Variants in RGS6 observed in about 807,000 individuals in gnomAD.
RGS6 encodes regulator of G-protein signaling 6.
A neutral mutation model predicts 78.5 loss-of-function variants in RGS6; 30 were observed. The observed-to-expected ratio is 0.38, with a 90% confidence interval of 0.29 to 0.52. The LOEUF (loss-of-function observed/expected upper bound fraction) is 0.52. Ranked by LOEUF, RGS6 falls within the 20% of genes least tolerant of loss-of-function variation. The pLI, the probability that RGS6 is intolerant of heterozygous loss-of-function variation, is 0.85. For missense variants in RGS6, 495 were observed against 609.7 expected (o/e 0.81, Z 1.98); for synonymous variants, 206 against 206.0 (o/e 1.00, Z 0.00).
chr14:72,307,677 G>A (rs976976582), intron 2 of RGS6, among the ~76,000 whole-genome samples: 3 of 152,044 alleles, frequency 2.0e-5, no homozygotes, highest in African/African-American at 4.8e-5. Flanking sequence ...TGATTATTAT[G>A]TATATTTGTC....
intron 2 of RGS6, among the ~76,000 whole-genome samples, chr14:72,134,599 A>G (rs563797499): frequency 6.6e-6 from 1 of 152,356 alleles, no homozygotes; most frequent in African/African-American, 2.4e-5. Flanking sequence ...GGAGAGAGAA[A>G]GAGAGATAGA....
chr14:72,396,848 T>G (rs968793079), intron 3 of RGS6, among the ~76,000 whole-genome samples: 1 of 152,230 alleles, frequency 6.6e-6, no homozygotes, highest in Non-Finnish European at 1.5e-5. Flanking sequence ...AAAGATCAGA[T>G]AGTTGTAGAT....
chr14:72,336,534 A>AGAGC (rs1400111040), intron 2 of RGS6, among the ~76,000 whole-genome samples: 238 of 141,794 alleles, frequency 1.7e-3, no homozygotes, highest in African/African-American at 5.9e-3. Context: ...AGAGAGAGAG[A>AGAGC]GCGCGCATAG....
chr14:72,154,289 A>T lies in RGS6; in HGVS notation c.84+189414A>T, dbSNP rs151065331. 8.2e-4 allele frequency among the ~76,000 whole-genome samples: 125 copies of T among 152,178 alleles called. 3 individuals are homozygous for T. The East Asian group carries it at 0.023, about 28-fold the overall frequency. ...TACACTGATTTCATATTGTTCAAAC[A>T]CACGTTTTACAATCAATTTGTGCAG... On this transcript the variant is annotated intron_variant, in intron 2 of 17. Coordinates refer to ENST00000553525, the MANE Select transcript of RGS6 (RefSeq NM_001204424.2).
intron 3 of RGS6, among the ~76,000 whole-genome samples, chr14:72,441,277 C>T (rs556477562): frequency 9.5e-4 from 144 of 152,304 alleles, no homozygotes; most frequent in African/African-American, 3.4e-3. Context: ...GTGTCCCTTC[C>T]TCTCCCTGCA....
intron 2 of RGS6, among the ~76,000 whole-genome samples, chr14:72,290,060 G>C (rs1396618391): frequency 6.6e-6 from 1 of 152,146 alleles, no homozygotes; most frequent in Non-Finnish European, 1.5e-5. Flanking sequence ...AGAATGAAAA[G>C]TTCATTTTGG....
intron 2 of RGS6, among the ~76,000 whole-genome samples, chr14:72,097,440 G>A (rs555342503): frequency 6.6e-6 from 1 of 152,262 alleles, no homozygotes; most frequent in African/African-American, 2.4e-5. Context: ...TTTGGTCTTT[G>A]GTGGGTTTTT....
intron 2 of RGS6, among the ~76,000 whole-genome samples, chr14:72,120,288 A>G (rs543305491): frequency 1.4e-4 from 22 of 152,340 alleles, no homozygotes; most frequent in Non-Finnish European, 2.5e-4. Context: ...GCACAGTGGA[A>G]ACCTTCTTTC....
chr14:72,297,497 A>T (rs986703397), intron 2 of RGS6, among the ~76,000 whole-genome samples: 1 of 150,940 alleles, frequency 6.6e-6, no homozygotes, highest in Admixed American at 6.6e-5. Flanking sequence ...ATATGTATAC[A>T]TGTGCCATGC....
intron 11 of RGS6, among the ~76,000 whole-genome samples, chr14:72,477,756 C>T (rs1315740425): frequency 2.7e-5 from 4 of 149,448 alleles, no homozygotes; most frequent in East Asian, 2.0e-4. Flanking sequence ...GAGATCATGC[C>T]GCTGCACTCC....
intron 2 of RGS6, among the ~76,000 whole-genome samples, chr14:72,201,509 T>A (rs1376416562): frequency 1.3e-5 from 2 of 152,242 alleles, no homozygotes; most frequent in African/African-American, 4.8e-5. Flanking sequence ...CAGCAGTGAT[T>A]ATCTAAAGCC....
the RGS6 span, among the ~76,000 whole-genome samples, chr14:72,623,153 C>G: frequency 3.4e-4 from 52 of 152,206 alleles, no homozygotes; most frequent in Admixed American, 3.4e-3. Context: ...AAAGACAAAT[C>G]ATATTTTTTA....
chr14:72,288,734 C>T (rs2063044656), intron 2 of RGS6, among the ~76,000 whole-genome samples: 1 of 152,178 alleles, frequency 6.6e-6, no homozygotes, highest in South Asian at 2.1e-4. Context: ...TTAGAAGGCT[C>T]AGAGGTCTAA....
At position 72,537,632 on chromosome 14, in the gene RGS6, A is replaced by G. The variant is rs574728899; in HGVS notation, c.1368+1357A>G. ...GCCGACACCCTCATACATGGCTCTA[A>G]TGCCCATTTTTTCTAAGAACTAGAG... On this transcript the variant is annotated intron_variant, in intron 16 of 17. Coordinates refer to ENST00000553525, the MANE Select transcript of RGS6 (RefSeq NM_001204424.2). 3.1e-4 allele frequency: 210 copies of G among 680,004 alleles called. No individual in the cohort carries two copies. The African/African-American group carries it at 3.4e-3, about 11-fold the overall frequency. 42.1% of individuals were successfully genotyped at this position (680,004 alleles called of 1,614,324 possible).
At chr14:72,347,912 T>C (rs1284487766) in intron 2 of RGS6, among the ~76,000 whole-genome samples, 2 of 152,234 alleles carry the variant, frequency 1.3e-5, no homozygotes, top group Non-Finnish European at 2.9e-5. Context: ...GTTTGGAGAC[T>C]ACCAGGTGGC....
chr14:72,532,095 A>G (rs1296299597), intron 15 of RGS6, among the ~76,000 whole-genome samples: 1 of 152,118 alleles, frequency 6.6e-6, no homozygotes, highest in East Asian at 1.9e-4. Flanking sequence ...TGTGTTTTTT[A>G]CAAATTGAAG....
chr14:72,406,553 TG>T (rs1387129990), intron 3 of RGS6, among the ~76,000 whole-genome samples: 2 of 152,156 alleles, frequency 1.3e-5, no homozygotes, highest in Non-Finnish European at 2.9e-5. Flanking sequence ...CAATTGTTTA[TG>T]AAGGGAGTAA....
Position 72,127,733 on chromosome 14 carries a change from A to G in RGS6, c.84+162858A>G, listed in dbSNP as rs2096233611. ...GTACTATCTTGTAAAGCTATAGTAC[A>G]ATATCCCAACCAGAATATTGACATT... On this transcript the variant is annotated intron_variant, in intron 2 of 17. Coordinates refer to ENST00000553525, the MANE Select transcript of RGS6 (RefSeq NM_001204424.2). 2.0e-5 allele frequency among the ~76,000 whole-genome samples: 3 copies of G among 152,200 alleles called. No homozygotes were observed. In the South Asian group the frequency reaches 6.2e-4, roughly 31 times the overall value.
At chr14:71,889,801 G>T in the RGS6 span, among the ~76,000 whole-genome samples, 3 of 152,272 alleles carry the variant, frequency 2.0e-5, no homozygotes, top group Non-Finnish European at 4.4e-5. Context: ...GGGGGCAGGC[G>T]TCTCACGAAT....
Sources: gnomAD v4.1 joint callset for allele counts (sites outside exome capture counted in the v4.1 genomes callset) on GRCh38, gnomAD v4.1.1 for gene constraint, MANE v1.5 for transcripts, NCBI Gene and HGNC (gene_info 2026-07-23, HGNC 2026-07-21) for gene names.